The following MGAT4C variants were observed in gnomAD, a reference collection of about 807,000 sequenced individuals.
MGAT4C encodes alpha-1,3-mannosyl-glycoprotein 4-beta-N-acetylglucosaminyltransferase C.
MGAT4C carries 19 observed loss-of-function variants against 40.1 expected under a neutral mutation model. The observed-to-expected ratio is 0.47, with a 90% CI of 0.33 to 0.70. MGAT4C has a LOEUF of 0.70. MGAT4C is among the 30% of genes least tolerant of loss of function. The probability of loss-of-function intolerance (pLI) is 0.02; values close to 1 mark genes in which losing one functional copy is unlikely to be tolerated. For missense variants in MGAT4C, 491 were observed against 563.2 expected, an observed-to-expected ratio of 0.87 and a Z score of 1.30; for synonymous variants, 181 against 187.1, an observed-to-expected ratio of 0.97 and a Z score of 0.27.
At chr12:86,059,693 C>G (rs1053402693) in intron 1 of MGAT4C, among the ~76,000 whole-genome samples, 1 of 152,152 alleles carries the variant, frequency 6.6e-6, no homozygotes, top group Non-Finnish European at 1.5e-5. Flanking sequence ...TCTTTTAGCA[C>G]AACCACAGTG....
chr12:86,535,971 T>C (rs982300862), intron 2 of MGAT4C, among the ~76,000 whole-genome samples: 7 of 152,242 alleles, frequency 4.6e-5, no homozygotes, highest in African/African-American at 1.7e-4. Flanking sequence ...GAAATACTGA[T>C]ACGATTATCT....
intron 1 of MGAT4C, among the ~76,000 whole-genome samples, chr12:86,776,314 ATTAAT>A (rs1951748127): frequency 1.3e-5 from 2 of 152,102 alleles, no homozygotes; most frequent in African/African-American, 4.8e-5. Flanking sequence ...AAAACATTAT[ATTAAT>A]TTAATGTTAC....
At chr12:86,172,350 TG>T (rs1387233366) in intron 1 of MGAT4C, among the ~76,000 whole-genome samples, 1 of 152,182 alleles carries the variant, frequency 6.6e-6, no homozygotes, top group Non-Finnish European at 1.5e-5. Context: ...TGAAAACACT[TG>T]TTCAGTGTTA....
At chr12:86,492,757 A>G (rs1347672270) in intron 2 of MGAT4C, among the ~76,000 whole-genome samples, 2 of 152,200 alleles carry the variant, frequency 1.3e-5, no homozygotes, top group Non-Finnish European at 2.9e-5. Context: ...CATGTTTAAA[A>G]CACCAAAAGC....
chr12:86,092,570 A>C (rs1371458542), intron 1 of MGAT4C, among the ~76,000 whole-genome samples: 2 of 152,112 alleles, frequency 1.3e-5, no homozygotes, highest in Non-Finnish European at 2.9e-5. Context: ...GCCCCAGGGA[A>C]ATTTAGTACT....
chr12:86,768,686 C>T (rs974629774), intron 1 of MGAT4C, among the ~76,000 whole-genome samples: 2 of 152,076 alleles, frequency 1.3e-5, no homozygotes, highest in Non-Finnish European at 2.9e-5. Context: ...ATCAATGGAA[C>T]AGAATAGAGC....
intron 2 of MGAT4C, among the ~76,000 whole-genome samples, chr12:86,485,513 A>G (rs1958005436): frequency 6.6e-6 from 1 of 152,152 alleles, no homozygotes; most frequent in Non-Finnish European, 1.5e-5. Context: ...CTTCAAGTCA[A>G]CTCACTCAGA....
At chr12:86,600,686 C>A (rs944138024) in intron 2 of MGAT4C, among the ~76,000 whole-genome samples, 8 of 152,216 alleles carry the variant, frequency 5.3e-5, no homozygotes, top group African/African-American at 1.9e-4. Flanking sequence ...GTGAGGAAGG[C>A]TCGGCCAGGG....
At chr12:86,781,562 A>C (rs900540527) in intron 1 of MGAT4C, among the ~76,000 whole-genome samples, 21 of 152,122 alleles carry the variant, frequency 1.4e-4, no homozygotes, top group African/African-American at 4.8e-4. Flanking sequence ...ATGATATTAA[A>C]ATTTATTCAC....
intron 1 of MGAT4C, among the ~76,000 whole-genome samples, chr12:86,238,150 T>G (rs531995756): frequency 6.6e-6 from 1 of 152,020 alleles, no homozygotes; most frequent in African/African-American, 2.4e-5. Flanking sequence ...TGGCTTTTGT[T>G]CTCCAGTGGA....
intron 4 of MGAT4C, among the ~76,000 whole-genome samples, chr12:86,282,547 G>A (rs2406125): frequency 0.75 from 113,421 of 151,776 alleles, 43,551 homozygotes; most frequent in Non-Finnish European, 0.83. Flanking sequence ...GCTAATCCTG[G>A]TATACCAGTC....
chr12:86,512,364 T>A (rs1370267879), intron 2 of MGAT4C, among the ~76,000 whole-genome samples: 1 of 152,104 alleles, frequency 6.6e-6, no homozygotes, highest in Non-Finnish European at 1.5e-5. Flanking sequence ...GCCTTAAACA[T>A]TTTAAAATAT....
intron 3 of MGAT4C, among the ~76,000 whole-genome samples, chr12:86,405,415 C>G (rs572572193): frequency 6.6e-6 from 1 of 151,790 alleles, no homozygotes; most frequent in East Asian, 1.9e-4. Context: ...CTTAGGAGTA[C>G]GTATAAGAAG....
intron 1 of MGAT4C, among the ~76,000 whole-genome samples, chr12:86,755,837 G>A (rs2136146306): frequency 6.6e-6 from 1 of 151,806 alleles, no homozygotes; most frequent in Non-Finnish European, 1.5e-5. Context: ...TTGTAGAGAT[G>A]GAGTTTCATC....
chr12:86,360,660 G>A (rs1319787465), intron 3 of MGAT4C, among the ~76,000 whole-genome samples: 1 of 152,096 alleles, frequency 6.6e-6, no homozygotes, highest in Non-Finnish European at 1.5e-5. Flanking sequence ...AAATCAATGT[G>A]CAAAAATCAC....
At chr12:86,537,232 G>T (rs1411792263) in intron 2 of MGAT4C, among the ~76,000 whole-genome samples, 1 of 151,798 alleles carries the variant, frequency 6.6e-6, no homozygotes, top group East Asian at 1.9e-4. Context: ...GGGGTGTGGG[G>T]AGAGGGGAGG....
At chr12:86,809,288 CAGTT>C (rs1282606205) in intron 1 of MGAT4C, among the ~76,000 whole-genome samples, 1 of 152,038 alleles carries the variant, frequency 6.6e-6, no homozygotes, top group Admixed American at 6.6e-5. Context: ...TGTATATACA[CAGTT>C]AGTTTAGTTG....
chr12:86,590,014 C>T (rs1469364480), intron 2 of MGAT4C, among the ~76,000 whole-genome samples: 1 of 151,886 alleles, frequency 6.6e-6, no homozygotes, highest in Non-Finnish European at 1.5e-5. Context: ...AAAATTAAGT[C>T]CAGGGAACAC....
rs566634043 is a variant in MGAT4C at position 86,192,558 on chromosome 12, T to A, written c.-57+63681A>T. On this transcript the variant is annotated intron_variant, in intron 1 of 4. Transcript: ENST00000611864. ...TTGTAGACCTCTAATTAGACTCAAA[T>A]CCTAGATGAGCCAAAAAGGTGAAGT... 1.0e-3 allele frequency among the ~76,000 whole-genome samples: 157 copies of A among 152,228 alleles called. 2 individuals carry two copies. In the Middle Eastern group the frequency reaches 0.034, roughly 33 times the overall value.
Sources: allele counts gnomAD v4.1 joint callset (sites outside exome capture counted in the v4.1 genomes callset), GRCh38; gene constraint gnomAD v4.1.1; transcripts MANE v1.5; gene names NCBI Gene and HGNC (gene_info 2026-07-23, HGNC 2026-07-21).